DPP10: variants seen among roughly 807,000 people sequenced by gnomAD.
The protein encoded by DPP10 is inactive dipeptidyl peptidase 10.
In DPP10, 33 loss-of-function variants were observed where a neutral mutation model predicts 120.9. The ratio of observed to expected loss-of-function variants is 0.27; its 90% CI spans 0.21 to 0.37. The LOEUF (loss-of-function observed/expected upper bound fraction) is 0.37, where lower values mean the gene tolerates loss of function less well. DPP10 is among the 10% of genes least tolerant of loss of function. The pLI is 1.00. For missense variants in DPP10, 816 were observed against 942.8 expected (o/e 0.87, Z 1.76); for synonymous variants, 337 against 326.1 (o/e 1.03, Z -0.36).
chr2:114,679,478 A>G (rs1698882321), intron 1 of DPP10, among the ~76,000 whole-genome samples: 1 of 151,980 alleles, frequency 6.6e-6, no homozygotes, highest in South Asian at 2.1e-4. Context: ...TAGAGATGCA[A>G]TCCAGGAGGT....
chr2:115,738,506 G>C (rs1031663320), intron 8 of DPP10, among the ~76,000 whole-genome samples: 3 of 152,068 alleles, frequency 2.0e-5, no homozygotes, highest in Non-Finnish European at 4.4e-5. Context: ...GACAATCATA[G>C]GACAGGCATT....
rs570913310 is a variant in DPP10 at position 115,456,271 on chromosome 2, C to T, written c.272-43239C>T. 9.2e-5 allele frequency among the ~76,000 whole-genome samples: 14 copies of T among 152,144 alleles called. 1 individual carries two copies. The highest frequency in any genetic ancestry group is 2.1e-4 in the South Asian group (1 of 4,814). ...AAAACCACAATTATATATCATCTCACGCCAGTTAGAATGGCAATCAATAAA... is the reference window on the plus strand; with the variant it reads ...AAAACCACAATTATATATCATCTCATGCCAGTTAGAATGGCAATCAATAAA... On this transcript the variant is annotated intron_variant, in intron 3 of 25. Transcript: ENST00000410059.
At chr2:115,247,124 A>T (rs2105628245) in intron 1 of DPP10, among the ~76,000 whole-genome samples, 1 of 152,274 alleles carries the variant, frequency 6.6e-6, no homozygotes, top group Non-Finnish European at 1.5e-5. Flanking sequence ...AGAGAGGAAG[A>T]CATTTTTGTA....
intron 16 of DPP10, among the ~76,000 whole-genome samples, chr2:115,781,944 G>A (rs1035074695): frequency 7.9e-5 from 12 of 152,008 alleles, no homozygotes; most frequent in South Asian, 4.1e-4. Context: ...TCCAATATGC[G>A]TGCTTTCTTT....
intron 5 of DPP10, among the ~76,000 whole-genome samples, chr2:115,609,507 A>C (rs559430222): frequency 6.6e-6 from 1 of 152,142 alleles, no homozygotes; most frequent in African/African-American, 2.4e-5. Flanking sequence ...CCAGATAAAA[A>C]GAAGAGAATC....
At chr2:114,942,250 G>A (rs1696959857) in intron 1 of DPP10, among the ~76,000 whole-genome samples, 1 of 143,058 alleles carries the variant, frequency 7.0e-6, no homozygotes, top group Non-Finnish European at 1.5e-5. Flanking sequence ...TCCAGCCTGG[G>A]TGACAGGGAG....
intron 2 of DPP10, among the ~76,000 whole-genome samples, chr2:115,324,225 G>T (rs1012346044): frequency 6.6e-6 from 1 of 152,096 alleles, no homozygotes; most frequent in African/African-American, 2.4e-5. Context: ...GCAGTGAGCT[G>T]AGATCGCACC....
At chr2:115,064,867 C>A in intron 1 of DPP10, 1 of 1,297,558 alleles carries the variant, frequency 7.7e-7, no homozygotes, top group Non-Finnish European at 1.0e-6. Flanking sequence ...GATTGGGTTT[C>A]ATTTATTTTA....
At chr2:114,606,810 T>A (rs1394625005) in intron 1 of DPP10, among the ~76,000 whole-genome samples, 2 of 152,216 alleles carry the variant, frequency 1.3e-5, no homozygotes, top group Non-Finnish European at 2.9e-5. Flanking sequence ...CTCTCTTATC[T>A]AAGTGCTGTC....
chr2:115,145,404 G>A (rs2051166974), intron 1 of DPP10, among the ~76,000 whole-genome samples: 2 of 152,098 alleles, frequency 1.3e-5, no homozygotes, highest in Non-Finnish European at 2.9e-5. Flanking sequence ...TATGAAGTAT[G>A]TAGCCTTTTC....
chr2:115,556,810 G>A (rs993795392), intron 5 of DPP10, among the ~76,000 whole-genome samples: 4 of 152,016 alleles, frequency 2.6e-5, no homozygotes, highest in South Asian at 2.1e-4. Context: ...ATCTGAAAAC[G>A]GCCAAAAACT....
At chr2:115,606,989 G>A (rs1198744401) in intron 5 of DPP10, among the ~76,000 whole-genome samples, 1 of 152,120 alleles carries the variant, frequency 6.6e-6, no homozygotes, top group Non-Finnish European at 1.5e-5. Flanking sequence ...TGTGAGGTTG[G>A]GATAGCTCTT....
chr2:114,870,829 G>T (rs1318694055), intron 1 of DPP10, among the ~76,000 whole-genome samples: 1 of 135,316 alleles, frequency 7.4e-6, no homozygotes, highest in Admixed American at 7.8e-5. Context: ...TCTTAACAGA[G>T]AACGTCCATC....
chr2:115,459,953 T>G, intron 3 of DPP10, among the ~76,000 whole-genome samples: 1 of 38,716 alleles, frequency 2.6e-5, no homozygotes, highest in Non-Finnish European at 1.0e-4. Flanking sequence ...ACACACACCT[T>G]TGTTTGCATT....
At chr2:115,453,427 A>T (rs1246797280) in intron 3 of DPP10, among the ~76,000 whole-genome samples, 2 of 151,650 alleles carry the variant, frequency 1.3e-5, no homozygotes, top group African/African-American at 4.8e-5. Context: ...AATAACAGTG[A>T]ATATGATTTT....
chr2:114,857,542 T>C (rs1689467933), intron 1 of DPP10, among the ~76,000 whole-genome samples: 1 of 152,212 alleles, frequency 6.6e-6, no homozygotes, highest in Non-Finnish European at 1.5e-5. Flanking sequence ...GTTGGCTCCA[T>C]GCTCTGTAGT....
intron 1 of DPP10, among the ~76,000 whole-genome samples, chr2:114,717,912 C>T (rs961897178): frequency 3.9e-5 from 6 of 152,160 alleles, no homozygotes; most frequent in Admixed American, 3.9e-4. Flanking sequence ...TCTCACACTT[C>T]TGATGAGACA....
intron 1 of DPP10, among the ~76,000 whole-genome samples, chr2:114,771,642 T>C (rs1044918745): frequency 2.6e-5 from 4 of 152,226 alleles, no homozygotes; most frequent in African/African-American, 9.6e-5. Context: ...AGGCTCCGTC[T>C]TAGCCGGGAG....
intron 1 of DPP10, among the ~76,000 whole-genome samples, chr2:114,556,234 C>CATATATAT (rs56772742): frequency 0.11 from 9,208 of 85,686 alleles, 749 homozygotes; most frequent in Admixed American, 0.12. Flanking sequence ...ATAGATGATA[C>CATATATAT]ATATATATAT....
Sources: allele counts gnomAD v4.1 joint callset (sites outside exome capture counted in the v4.1 genomes callset), GRCh38; gene constraint gnomAD v4.1.1; transcripts MANE v1.5; gene names NCBI Gene and HGNC (gene_info 2026-07-23, HGNC 2026-07-21).